Variants in APTX observed in about 807,000 individuals in gnomAD.
The protein encoded by APTX is forkhead-associated domain histidine triad-like protein.
A neutral mutation model predicts 42.3 loss-of-function variants in APTX; 33 were observed. The ratio of observed to expected loss-of-function variants is 0.78; its 90% CI spans 0.59 to 1.04. APTX has a LOEUF of 1.04. Among genes scored for constraint, APTX ranks in the 50% least tolerant of loss-of-function variants. The pLI is 0.00. For missense variants in APTX, 421 were observed against 415.1 expected (o/e 1.01, Z -0.12); for synonymous variants, 130 against 146.7 (o/e 0.89, Z 0.82).
chr9:32,988,636 G>C (rs1042403684), intron 2 of APTX, among the ~76,000 whole-genome samples: 2 of 124,638 alleles, frequency 1.6e-5, no homozygotes, highest in Middle Eastern at 6.8e-3. Flanking sequence ...AGTCAAGATC[G>C]CACCACTACA....
Position 32,986,043 on chromosome 9 carries a change from C to CAAAAAAAAAAACA in APTX, c.484-26_484-14dup, listed in dbSNP as rs1831970606. ...GGCCCAGGGATTCCTAAAAAAAAAA[C>CAAAAAAAAAAACA]AAAAAAAAAAACAAAAAAAAAAAAA... On this transcript the variant is annotated splice_polypyrimidine_tract_variant and intron_variant, in intron 4 of 7. Coordinates refer to ENST00000379817, the MANE Select transcript of APTX (RefSeq NM_001195248.2). 6.1e-6 allele frequency: 6 copies of CAAAAAAAAAAACA among 986,392 alleles called. No individual in the cohort carries two copies. The highest frequency in any genetic ancestry group is 2.0e-5 in the African/African-American group (1 of 49,420). 61.1% of individuals were successfully genotyped at this position (986,392 alleles called of 1,614,324 possible).
intron 6 of APTX, among the ~76,000 whole-genome samples, chr9:32,982,487 A>G (rs1013533096): frequency 6.6e-6 from 1 of 152,204 alleles, no homozygotes; most frequent in South Asian, 2.1e-4. Flanking sequence ...TTCATACTTA[A>G]TTTTTTATAT....
At chr9:33,006,018 A>T (rs1346562342), upstream of APTX, among the ~76,000 whole-genome samples, 2 of 149,238 alleles carry the variant, frequency 1.3e-5, no homozygotes, top group African/African-American at 4.9e-5. Context: ...TAAGAACTTT[A>T]TTCTTTTTTT....
chr9:32,984,759 C>T lies in APTX; in HGVS notation c.642G>A (p.Lys214=), dbSNP rs1292709317. 1.9e-6 allele frequency: 3 copies of T among 1,614,068 alleles called. No individual in the cohort carries two copies. The highest frequency in any genetic ancestry group is 2.5e-6 in the Non-Finnish European group (3 of 1,180,048). Residue 214 remains lysine (K), a synonymous_variant, in exon 6 of 8, where the codon AAG becomes AAA. Transcript: ENST00000379817. ...GTTCAAGGTGTTCCCTGGCCACAGC[C>T]TTCAGACTGGAAATGGAGGTCCACG... ...VLPWTSISSL[K]AVAREHLELL...
intron 1 of APTX, among the ~76,000 whole-genome samples, chr9:33,017,989 T>C (rs1184877806): frequency 1.5e-5 from 2 of 133,642 alleles, no homozygotes; most frequent in African/African-American, 5.7e-5. Flanking sequence ...TAATCTCAGA[T>C]GTGATTGAAA....
chr9:33,011,180 T>C lies in APTX; in HGVS notation c.-5+13843A>G, dbSNP rs569515094. ...AAAAAAAGTGGTGAGGATGTCTTGGTAGTGTGGGAGGCCTCTCTTGAGCAC... is the reference window on the plus strand; with the variant it reads ...AAAAAAAGTGGTGAGGATGTCTTGGCAGTGTGGGAGGCCTCTCTTGAGCAC... On this transcript the variant is annotated intron_variant, in intron 1 of 6. Transcript: ENST00000436040. Among the ~76,000 whole-genome samples the C allele has an allele frequency of 2.0e-5, 3 of 151,748 alleles. No individual in the cohort carries two copies. The South Asian group carries it at 6.3e-4, about 32-fold the overall frequency.
At chr9:32,999,775 A>G (rs1835820131) in intron 1 of APTX, among the ~76,000 whole-genome samples, 1 of 152,130 alleles carries the variant, frequency 6.6e-6, no homozygotes, top group Admixed American at 6.5e-5. Flanking sequence ...GGAGATCAAG[A>G]CCATCCTGGC....
chr9:33,020,624 AAAAG>A (rs1169207976), intron 1 of APTX, among the ~76,000 whole-genome samples: 7 of 152,352 alleles, frequency 4.6e-5, no homozygotes, highest in Admixed American at 2.6e-4. Flanking sequence ...AGGTCCTCAC[AAAAG>A]AAAGAACAGA....
At chr9:33,009,802 TAAAG>T (rs1837410852) in intron 1 of APTX, among the ~76,000 whole-genome samples, 2 of 150,542 alleles carry the variant, frequency 1.3e-5, no homozygotes. Context: ...AAAATAATAA[TAAAG>T]AAAAGAAAAG....
Position 33,018,855 on chromosome 9 carries a change from G to A in APTX, c.-5+6168C>T, listed in dbSNP as rs529358612. On this transcript the variant is annotated intron_variant, in intron 1 of 6. Coordinates refer to the APTX transcript ENST00000436040. ...CATCACGCCATTGCGCTCCAGCCCA[G>A]GCAACAGTGCGAGACTCCATCTCAA... is the stretch of plus-strand genomic sequence containing the variant. 2.6e-4 allele frequency among the ~76,000 whole-genome samples: 39 copies of A among 152,280 alleles called. 1 individual carries two copies. Among genetic ancestry groups the A allele is most frequent in the African/African-American group, 9.4e-4 (39 of 41,550 alleles).
chr9:33,025,043 C>T (rs1272169470), exon 1 of APTX: 3 of 152,486 alleles, frequency 2.0e-5, no homozygotes, highest in Non-Finnish European at 2.9e-5. Flanking sequence ...CTTCCGCACT[C>T]TCAGGCTCGC....
At chr9:33,021,920 G>A (rs2119328388) in intron 1 of APTX, among the ~76,000 whole-genome samples, 1 of 149,432 alleles carries the variant, frequency 6.7e-6, no homozygotes. Context: ...GAGCCTAGGA[G>A]TTCGAGGCCA....
At chr9:33,016,957 AG>A (rs1837945419) in intron 1 of APTX, among the ~76,000 whole-genome samples, 2 of 152,250 alleles carry the variant, frequency 1.3e-5, no homozygotes, top group South Asian at 4.1e-4. Flanking sequence ...ACTCTGTACC[AG>A]GCAGTGTTCT....
intron 1 of APTX, among the ~76,000 whole-genome samples, chr9:32,991,407 G>C (rs959664175): frequency 5.3e-5 from 8 of 152,198 alleles, no homozygotes; most frequent in African/African-American, 1.9e-4. Context: ...CCGAAGCAAA[G>C]GGGATGGAGA....
chr9:32,973,630 C>T lies in APTX; in HGVS notation c.897G>A (p.Glu299=). Residue 299 remains glutamate, a synonymous_variant, in exon 8 of 8, where the codon GAG becomes GAA. Coordinates refer to ENST00000379817, the MANE Select transcript of APTX (RefSeq NM_001195248.2). ...CATCTCGGACAGTTACTCTACCAGC[C>T]TCTTGTACCATCTCGATCACAGCTG... is the stretch of plus-strand genomic sequence containing the variant. ...ESQAVIEMVQ[E]AGRVTVRDGM... 1.2e-6 allele frequency: 2 copies of T among 1,613,680 alleles called. No individual in the cohort carries two copies. The highest frequency in any genetic ancestry group is 1.7e-6 in the Non-Finnish European group (2 of 1,179,950).
chr9:32,983,594 C>A (rs1008759782), intron 6 of APTX, among the ~76,000 whole-genome samples: 1 of 151,976 alleles, frequency 6.6e-6, no homozygotes, highest in South Asian at 2.1e-4. Context: ...TGGCCAGTAA[C>A]CTAAGTCATA....
At chr9:32,975,935 A>C (rs1829276087) in intron 6 of APTX, among the ~76,000 whole-genome samples, 1 of 152,224 alleles carries the variant, frequency 6.6e-6, no homozygotes, top group South Asian at 2.1e-4. Flanking sequence ...ATCTGATAGA[A>C]TGCAGATTCA....
intron 1 of APTX, among the ~76,000 whole-genome samples, chr9:33,017,002 C>T (rs1165809817): frequency 6.6e-6 from 1 of 152,188 alleles, no homozygotes; most frequent in East Asian, 1.9e-4. Flanking sequence ...ACAAAACAGA[C>T]AAAAATCTTT....
At chr9:33,019,173 T>C (rs934323662) in intron 1 of APTX, among the ~76,000 whole-genome samples, 13 of 152,160 alleles carry the variant, frequency 8.5e-5, no homozygotes, top group African/African-American at 3.1e-4. Flanking sequence ...AACTCTACTA[T>C]CCTGACAACT....
Sources: gnomAD v4.1 joint callset for allele counts (sites outside exome capture counted in the v4.1 genomes callset) on GRCh38, gnomAD v4.1.1 for gene constraint, MANE v1.5 for transcripts, NCBI Gene and HGNC (gene_info 2026-07-23, HGNC 2026-07-21) for gene names.